Variants in TAFA5 observed in about 807,000 individuals in gnomAD.
The protein encoded by TAFA5 is TAFA chemokine like family member 5.
In TAFA5, 6 loss-of-function variants were observed where a neutral mutation model predicts 15.3. That is an observed-to-expected ratio of 0.39 (90% CI 0.21 to 0.77). The LOEUF (loss-of-function observed/expected upper bound fraction) is 0.77. Ranked by LOEUF, TAFA5 falls within the 30% of genes least tolerant of loss-of-function variation. TAFA5 has a pLI of 0.41. For synonymous variants in TAFA5, 103 were observed against 80.7 expected (o/e 1.28, Z -1.48); for missense variants, 161 against 193.1 (o/e 0.83, Z 0.98).
rs1926391759 is a variant in TAFA5, at chr22:48,634,905, C to G, written c.113-11692C>G. On this transcript the variant is annotated intron_variant, in intron 1 of 3. Coordinates refer to ENST00000402357, the MANE Select transcript of TAFA5 (RefSeq NM_001082967.3). Reference sequence around the variant, plus strand: ...AGGAAGGAGCCAGCCCATGGGGCATCTGGGAGGAGCTTGCTGCACTCTTTG... The same window carrying G: ...AGGAAGGAGCCAGCCCATGGGGCATGTGGGAGGAGCTTGCTGCACTCTTTG... Among the ~76,000 whole-genome samples the G allele has an allele frequency of 2.0e-5, 3 of 152,232 alleles. No homozygotes were observed. The South Asian group carries it at 6.2e-4, about 31-fold the overall frequency.
chr22:48,722,768 CAT>C, intron 3 of TAFA5, among the ~76,000 whole-genome samples: 1 of 152,104 alleles, frequency 6.6e-6, no homozygotes, highest in Non-Finnish European at 1.5e-5. Context: ...CAGGGGCAGT[CAT>C]GGCCGGGGGT....
intron 2 of TAFA5, among the ~76,000 whole-genome samples, chr22:48,653,506 C>T (rs533778112): frequency 3.9e-5 from 6 of 152,324 alleles, no homozygotes; most frequent in South Asian, 4.1e-4. Flanking sequence ...GCTGACTGCC[C>T]GGCCCGACCC....
rs189787342 is a variant in TAFA5 at position 48,707,031 on chromosome 22, C to A, written c.263-686C>A. Among the ~76,000 whole-genome samples, 13 of 152,268 alleles carry A rather than the reference C, an allele frequency of 8.5e-5. No homozygotes were observed. The East Asian group carries it at 2.3e-3, about 27-fold the overall frequency. ...CTTGTGCTGGTGGGGAGCCAGTGCC[C>A]CCATCCACCTGGCCCTGCCCTGCCC... On this transcript the variant is annotated intron_variant, in intron 2 of 3. Coordinates refer to ENST00000402357, the MANE Select transcript of TAFA5 (RefSeq NM_001082967.3).
intron 1 of TAFA5, among the ~76,000 whole-genome samples, chr22:48,618,252 G>A (rs1243335531): frequency 6.6e-6 from 1 of 152,210 alleles, no homozygotes; most frequent in African/African-American, 2.4e-5. Context: ...CTTAGCAGCG[G>A]CACAGAGCCA....
intron 1 of TAFA5, among the ~76,000 whole-genome samples, chr22:48,627,682 A>C (rs1569054071): frequency 6.6e-6 from 1 of 152,198 alleles, no homozygotes; most frequent in African/African-American, 2.4e-5. Context: ...GGCTCATCCA[A>C]AATGAGACAC....
chr22:48,720,921 G>A, intron 3 of TAFA5, among the ~76,000 whole-genome samples: 1 of 152,162 alleles, frequency 6.6e-6, no homozygotes, highest in East Asian at 1.9e-4. Flanking sequence ...TCCCAGAATA[G>A]GCACTTCTTG....
intron 1 of TAFA5, among the ~76,000 whole-genome samples, chr22:48,570,643 G>A (rs1230433014): frequency 6.6e-6 from 1 of 152,180 alleles, no homozygotes; most frequent in Admixed American, 6.5e-5. Flanking sequence ...TGAAAAACAC[G>A]GAGGGCCTAC....
intron 1 of TAFA5, among the ~76,000 whole-genome samples, chr22:48,553,714 C>G (rs1385719318): frequency 6.6e-6 from 1 of 152,206 alleles, no homozygotes; most frequent in African/African-American, 2.4e-5. Flanking sequence ...TCCCACGGCT[C>G]TCTCTCCGGG....
At chr22:48,514,848 T>C (rs1921348575) in intron 1 of TAFA5, among the ~76,000 whole-genome samples, 1 of 152,272 alleles carries the variant, frequency 6.6e-6, no homozygotes, top group Non-Finnish European at 1.5e-5. Flanking sequence ...GCTGTTGCTC[T>C]GGGCTGACAC....
chr22:48,725,104 C>T (rs1601700307), intron 3 of TAFA5, among the ~76,000 whole-genome samples: 1 of 152,272 alleles, frequency 6.6e-6, no homozygotes, highest in South Asian at 2.1e-4. Flanking sequence ...GAGCCGCCTC[C>T]AGCTGGCGGG....
At chr22:48,553,777 G>T (rs74720291) in intron 1 of TAFA5, among the ~76,000 whole-genome samples, 2 of 152,136 alleles carry the variant, frequency 1.3e-5, no homozygotes, top group African/African-American at 4.8e-5. Context: ...TGGCATGCCC[G>T]GTCCTCGTCT....
At chr22:48,650,153 A>AT (rs1927001793) in intron 2 of TAFA5, among the ~76,000 whole-genome samples, 1 of 152,156 alleles carries the variant, frequency 6.6e-6, no homozygotes, top group Admixed American at 6.5e-5. Flanking sequence ...CTGAAGAGAA[A>AT]ACTTGTGCTG....
At chr22:48,561,105 C>T (rs948387527) in intron 1 of TAFA5, among the ~76,000 whole-genome samples, 1 of 152,098 alleles carries the variant, frequency 6.6e-6, no homozygotes, top group African/African-American at 2.4e-5. Context: ...TGATGCATCC[C>T]ACCCTGGGAA....
chr22:48,577,010 G>C (rs980928601), intron 1 of TAFA5, among the ~76,000 whole-genome samples: 1 of 152,120 alleles, frequency 6.6e-6, no homozygotes, highest in Admixed American at 6.5e-5. Flanking sequence ...GGTGGGCGCC[G>C]GGCTGGGACC....
chr22:48,628,009 C>T (rs577000855), intron 1 of TAFA5, among the ~76,000 whole-genome samples: 1 of 151,596 alleles, frequency 6.6e-6, no homozygotes, highest in African/African-American at 2.4e-5. Flanking sequence ...GGAACCTTGC[C>T]CGGAGCGGAG....
At chr22:48,583,047 C>T (rs1361344649) in intron 1 of TAFA5, among the ~76,000 whole-genome samples, 1 of 148,694 alleles carries the variant, frequency 6.7e-6, no homozygotes, top group African/African-American at 2.5e-5. Context: ...ACCACACACA[C>T]CGCACACAAA....
At chr22:48,656,755 CTTTTTTTTTTTTTT>C (rs1223042941) in intron 2 of TAFA5, among the ~76,000 whole-genome samples, 2 of 14,884 alleles carry the variant, frequency 1.3e-4, no homozygotes, top group Non-Finnish European at 3.8e-4. Flanking sequence ...GATGGAGTCT[CTTTTTTTTTTTTTT>C]TTTTTTTTTT....
chr22:48,723,966 C>T (rs1334787355), intron 3 of TAFA5, among the ~76,000 whole-genome samples: 4 of 152,242 alleles, frequency 2.6e-5, no homozygotes, highest in Non-Finnish European at 4.4e-5. Flanking sequence ...TGAAGTCAGA[C>T]TCTCAGCCTC....
At chr22:48,740,107 G>T (rs1041802743) in intron 3 of TAFA5, among the ~76,000 whole-genome samples, 1 of 152,180 alleles carries the variant, frequency 6.6e-6, no homozygotes, top group Admixed American at 6.5e-5. Flanking sequence ...GCACAGGGAG[G>T]AGCTCACGCT....
Sources: allele counts gnomAD v4.1 joint callset (sites outside exome capture counted in the v4.1 genomes callset), GRCh38; gene constraint gnomAD v4.1.1; transcripts MANE v1.5; gene names NCBI Gene and HGNC (gene_info 2026-07-23, HGNC 2026-07-21).